The following IL1RAPL2 variants were observed in gnomAD, a reference collection of about 807,000 sequenced individuals.
IL1RAPL2 encodes the protein interleukin 1 receptor accessory protein like 2.
In IL1RAPL2, 3 loss-of-function variants were observed where a neutral mutation model predicts 44.1. The ratio of observed to expected loss-of-function variants is 0.07; its 90% confidence interval spans 0.03 to 0.18. The LOEUF (loss-of-function observed/expected upper bound fraction) is 0.18, where lower values mean the gene tolerates loss of function less well. Among genes scored for constraint, IL1RAPL2 ranks in the 10% least tolerant of loss-of-function variants. The pLI is 1.00. For missense variants in IL1RAPL2, 391 were observed against 496.4 expected, an observed-to-expected ratio of 0.79 and a Z score of 2.02; for synonymous variants, 181 against 178.8, an observed-to-expected ratio of 1.01 and a Z score of -0.10.
chrX:104,876,818 C>T (rs1260005746), intron 2 of IL1RAPL2, among the ~76,000 whole-genome samples: 1 of 107,428 alleles, frequency 9.3e-6, no homozygotes, highest in East Asian at 2.9e-4. Context: ...CATGCTGGTG[C>T]GCTGCACCCA....
chrX:104,958,498 C>A (rs1474013771), intron 2 of IL1RAPL2, among the ~76,000 whole-genome samples: 1 of 103,001 alleles, frequency 9.7e-6, no homozygotes, highest in Non-Finnish European at 2.0e-5. Flanking sequence ...TTTTAAGGTG[C>A]CTCATGTGAT....
chrX:105,515,593 G>C (rs141406862), intron 6 of IL1RAPL2, among the ~76,000 whole-genome samples: 3,297 of 111,582 alleles, frequency 0.03, 135 homozygotes, highest in African/African-American at 0.1. Flanking sequence ...TAAGTGTTTT[G>C]GGAGCTCACT....
chrX:105,406,668 G>T, intron 5 of IL1RAPL2: 7 of 1,140,101 alleles, frequency 6.1e-6, no homozygotes, highest in Non-Finnish European at 8.4e-6. Context: ...TGAATGAGCT[G>T]ATCTCTGGAT....
At chrX:104,950,380 C>G (rs764468430) in intron 2 of IL1RAPL2, among the ~76,000 whole-genome samples, 52 of 112,647 alleles carry the variant, frequency 4.6e-4, no homozygotes, top group South Asian at 1.1e-3. Context: ...AGCTGTCAGA[C>G]AGGGACGTTT....
At chrX:104,596,904 TGA>T (rs1054310703) in intron 1 of IL1RAPL2, among the ~76,000 whole-genome samples, 1 of 110,244 alleles carries the variant, frequency 9.1e-6, no homozygotes, top group Non-Finnish European at 1.9e-5. Flanking sequence ...AGTGGGTGAG[TGA>T]GAGAGAGGCA....
At chrX:104,706,665 A>G (rs1028472421) in intron 2 of IL1RAPL2, among the ~76,000 whole-genome samples, 5 of 112,297 alleles carry the variant, frequency 4.5e-5, no homozygotes, top group Non-Finnish European at 7.5e-5. Context: ...TAGGAATTTC[A>G]CATTCTCTAG....
chrX:104,787,966 G>C (rs1932807128), intron 2 of IL1RAPL2, among the ~76,000 whole-genome samples: 1 of 111,834 alleles, frequency 8.9e-6, no homozygotes, highest in African/African-American at 3.3e-5. Flanking sequence ...GGACTGAGTG[G>C]AAAGGAGGCC....
chrX:105,389,440 G>T (rs1602389969), intron 5 of IL1RAPL2, among the ~76,000 whole-genome samples: 1 of 112,140 alleles, frequency 8.9e-6, no homozygotes, highest in African/African-American at 3.2e-5. Flanking sequence ...GGTTGTGATG[G>T]TTTTAACTTG....
intron 2 of IL1RAPL2, among the ~76,000 whole-genome samples, chrX:104,941,017 A>G (rs1163342777): frequency 9.2e-6 from 1 of 108,952 alleles, no homozygotes; most frequent in African/African-American, 3.3e-5. Flanking sequence ...CCATGTCCCT[A>G]CAAAGGACAT....
intron 5 of IL1RAPL2, among the ~76,000 whole-genome samples, chrX:105,453,569 T>G (rs902769451): frequency 8.9e-6 from 1 of 112,396 alleles, no homozygotes; most frequent in Non-Finnish European, 1.9e-5. Context: ...AGACTTTTTT[T>G]GCAATGCAAT....
intron 2 of IL1RAPL2, among the ~76,000 whole-genome samples, chrX:104,678,561 C>T (rs766888014): frequency 8.9e-6 from 1 of 111,872 alleles, no homozygotes; most frequent in Non-Finnish European, 1.9e-5. Flanking sequence ...AGCTCTTCCT[C>T]AGTCACTCTA....
intron 2 of IL1RAPL2, among the ~76,000 whole-genome samples, chrX:105,072,432 C>A (rs1310954845): frequency 9.0e-6 from 1 of 111,063 alleles, no homozygotes; most frequent in Non-Finnish European, 1.9e-5. Context: ...GACTTTGGAA[C>A]TGGGTGACAG....
intron 2 of IL1RAPL2, among the ~76,000 whole-genome samples, chrX:105,032,494 A>C (rs1055224622): frequency 9.0e-6 from 1 of 111,518 alleles, no homozygotes; most frequent in East Asian, 2.8e-4. Context: ...CCCCGTATTC[A>C]TTCCGGAGCA....
intron 6 of IL1RAPL2, among the ~76,000 whole-genome samples, chrX:105,710,359 C>CTTTTTTT (rs61023852): frequency 6.1e-5 from 4 of 65,836 alleles, no homozygotes; most frequent in Admixed American, 2.3e-4. Flanking sequence ...GAAAATCCTA[C>CTTTTTTT]TTTTTTTTTT....
chrX:105,736,829 TAAAAG>T (rs949525340), intron 7 of IL1RAPL2, among the ~76,000 whole-genome samples: 10 of 111,224 alleles, frequency 9.0e-5, no homozygotes, highest in Admixed American at 5.7e-4. Flanking sequence ...TCAAACAACT[TAAAAG>T]AGAATTATCG....
intron 3 of IL1RAPL2, among the ~76,000 whole-genome samples, chrX:105,227,221 TAATAATAA>T (rs200825605): frequency 9.0e-6 from 1 of 111,147 alleles, no homozygotes; most frequent in East Asian, 2.8e-4. Context: ...TAAAGTATAA[TAATAATAA>T]AATAAAAAAA....
chrX:105,680,683 TATCATTTATA>T (rs2037917092), intron 6 of IL1RAPL2, among the ~76,000 whole-genome samples: 1 of 112,091 alleles, frequency 8.9e-6, no homozygotes, highest in Non-Finnish European at 1.9e-5. Context: ...GAGAATAAAA[TATCATTTATA>T]AATATTTCAT....
chrX:104,774,640 C>A (rs2147599153), intron 2 of IL1RAPL2, among the ~76,000 whole-genome samples: 1 of 112,186 alleles, frequency 8.9e-6, no homozygotes, highest in East Asian at 2.8e-4. Context: ...GAGACGTGAT[C>A]TCTATCCTCA....
At chrX:104,784,838 A>T (rs960558819) in intron 2 of IL1RAPL2, among the ~76,000 whole-genome samples, 4 of 109,508 alleles carry the variant, frequency 3.7e-5, no homozygotes, top group South Asian at 8.1e-4. Flanking sequence ...GACCCCCAGA[A>T]GGGCTAAGCG....
Sources: gnomAD v4.1 joint callset for allele counts (sites outside exome capture counted in the v4.1 genomes callset) on GRCh38, gnomAD v4.1.1 for gene constraint, MANE v1.5 for transcripts, NCBI Gene and HGNC (gene_info 2026-07-23, HGNC 2026-07-21) for gene names.